The following MSL1 variants were observed in gnomAD, a reference collection of about 807,000 sequenced individuals.
MSL1 encodes the protein MSL complex subunit 1.
A neutral mutation model predicts 64.6 loss-of-function variants in MSL1; 21 were observed. That is an observed-to-expected ratio of 0.33 (90% CI 0.23 to 0.47). MSL1 has a LOEUF of 0.47. Ranked by LOEUF, MSL1 falls within the 20% of genes least tolerant of loss-of-function variation. The probability of loss-of-function intolerance (pLI) is 1.00; values close to 1 mark genes in which losing one functional copy is unlikely to be tolerated. For missense variants in MSL1, 664 were observed against 793.2 expected (o/e 0.84, Z 1.96); for synonymous variants, 339 against 329.6 (o/e 1.03, Z -0.31).
At chr17:40,132,891 G>A in intron 5 of MSL1, 151 bp from the exon 6 acceptor site, 1 of 616,348 alleles carries the variant, frequency 1.6e-6, no homozygotes, top group Non-Finnish European at 2.9e-6. Context: ...TCTGTTACCA[G>A]GAGGTTCCCA....
At chr17:40,125,715 C>T (rs1324249811) in intron 1 of MSL1, among the ~76,000 whole-genome samples, 1 of 152,168 alleles carries the variant, frequency 6.6e-6, no homozygotes, top group Admixed American at 6.5e-5. Context: ...GAGGCTGAGG[C>T]AGGGAGGCGG....
chr17:40,131,934 C>A lies in MSL1; in HGVS notation c.1424-100C>A. ...CTATCACTTGGTAACTTTGTCTCTT[C>A]TGGGGAGAGACCTCTTATCCTAGTG... On this transcript the variant is annotated intron_variant, in intron 4 of 8. Coordinates refer to ENST00000398532, the MANE Select transcript of MSL1 (RefSeq NM_001365919.1). The surrounding 1 kb of genome is among the most constrained non-coding windows in gnomAD (Gnocchi z 4.5). The A allele has an allele frequency of 1.2e-6, 1 of 850,568 alleles. No individual in the cohort carries two copies. The highest frequency in any genetic ancestry group is 1.5e-5 in the South Asian group (1 of 66,916). 52.7% of individuals were successfully genotyped at this position (850,568 alleles called of 1,614,324 possible).
At chr17:40,132,985 A>G in intron 5 of MSL1, 57 bp from the exon 6 acceptor site, 2 of 1,467,296 alleles carry the variant, frequency 1.4e-6, no homozygotes, top group Non-Finnish European at 1.9e-6. Context: ...TAGTTAGTAT[A>G]TGTGTGTAAC....
intron 1 of MSL1, among the ~76,000 whole-genome samples, chr17:40,123,861 A>C (rs1422421848): frequency 3.3e-5 from 5 of 152,204 alleles, no homozygotes; most frequent in Middle Eastern, 6.3e-3. Flanking sequence ...TAGTGGGCAC[A>C]GGGGTAGAGG....
chr17:40,122,688 G>A lies in MSL1; in HGVS notation c.76G>A (p.Glu26Lys). Residue 26 changes from glutamate (E) to lysine (K), a missense_variant, in exon 1 of 9, where the codon GAG becomes AAG. By Grantham distance (56) the Glu-to-Lys change is moderately conservative. This residue lies in a region of MSL1 where 466 missense variants were observed against 499.0 expected (regional missense o/e 0.93). Coordinates refer to ENST00000398532, the MANE Select transcript of MSL1 (RefSeq NM_001365919.1). The surrounding 1 kb of genome is among the most constrained non-coding windows in gnomAD (Gnocchi z 4.2). The stretch of plus-strand genomic sequence containing the variant: ...CAATCCTGAGCAGCGACTGGACTAC[G>A]AGCGGGCTGCGGCGCTGGGCGGGCC... The part of the protein sequence containing the change: ...GGNPEQRLDY[E>K]RAAALGGPED... The A allele has an allele frequency of 6.7e-7, 1 of 1,488,750 alleles. No individual in the cohort carries two copies. Among genetic ancestry groups the A allele is most frequent in the Non-Finnish European group, 8.9e-7 (1 of 1,126,808 alleles). 92.2% of individuals were successfully genotyped at this position (1,488,750 alleles called of 1,614,324 possible). A position where few individuals can be genotyped will look rare whatever the true frequency, so the allele number is the denominator to read the frequency against.
Position 40,134,696 on chromosome 17 carries a change from T to C in MSL1, c.*327T>C, listed in dbSNP as rs1988507521. ...TGTTAAAGGGGTAAAAGGGCTCTCT[T>C]CATTAGACATGTGGAAGATGAAGCA... is the stretch of plus-strand genomic sequence containing the variant. On this transcript the variant is annotated 3_prime_UTR_variant, in exon 9 of 9. Coordinates refer to ENST00000398532, the MANE Select transcript of MSL1 (RefSeq NM_001365919.1). 3.8e-6 allele frequency: 1 copy of C among 264,250 alleles called. No homozygotes were observed. The highest frequency in any genetic ancestry group is 7.3e-6 in the Non-Finnish European group (1 of 136,386). The allele number at this position is 264,250 out of a possible 1,614,324, so 16.4% of individuals were successfully genotyped here. A position where few individuals can be genotyped will look rare whatever the true frequency, so the allele number is the denominator to read the frequency against.
rs1598414527 is a variant in MSL1, at chr17:40,136,839, TC to T, written c.*2471del. ...TTATATTTATTGGCAAACAAACAATTCTGCTTGTATATTTGAAACATTGGAA... is the reference window on the plus strand; with the variant it reads ...TTATATTTATTGGCAAACAAACAATTTGCTTGTATATTTGAAACATTGGAA... On this transcript the variant is annotated 3_prime_UTR_variant, in exon 9 of 9. Coordinates refer to ENST00000398532, the MANE Select transcript of MSL1 (RefSeq NM_001365919.1). 6.6e-6 allele frequency: 1 copy of T among 152,378 alleles called. No homozygotes were observed. The highest frequency in any genetic ancestry group is 1.9e-4 in the East Asian group (1 of 5,340). 9.4% of individuals were successfully genotyped at this position (152,378 alleles called of 1,614,324 possible). A position where few individuals can be genotyped will look rare whatever the true frequency, so the allele number is the denominator to read the frequency against.
Position 40,122,826 on chromosome 17 carries a change from G to C in MSL1, c.214G>C (p.Ala72Pro). Residue 72 changes from alanine (A) to proline (P), a missense_variant, in exon 1 of 9, where the codon GCC becomes CCC. Transcript: ENST00000398532. This position sits in a 1 kb window ranked among gnomAD's most constrained non-coding sequence, Gnocchi z 4.2. The stretch of plus-strand genomic sequence containing the variant: ...GGGCGGGAGCCCCGCGCCTTCCCCG[G>C]CCGGCTGCGGCGGCAAGGGCCGGGG... The part of the protein sequence containing the change: ...SQGGSPAPSP[A>P]GCGGKGRGLL... 7.3e-7 allele frequency: 1 copy of C among 1,369,072 alleles called. No homozygotes were observed. The highest frequency in any genetic ancestry group is 9.3e-7 in the Non-Finnish European group (1 of 1,069,726). The allele number at this position is 1,369,072 out of a possible 1,614,324, so 84.8% of individuals were successfully genotyped here.
At position 40,136,783 on chromosome 17, in the gene MSL1, C is replaced by T. The variant is rs1015825842; in HGVS notation, c.*2414C>T. ...TTCAATTGTAAATAAACTATTGTGG[C>T]TGTTAATTTTTGAACTTCTGCTTCA... On this transcript the variant is annotated 3_prime_UTR_variant, in exon 9 of 9. Coordinates refer to ENST00000398532, the MANE Select transcript of MSL1 (RefSeq NM_001365919.1). The T allele has an allele frequency of 6.6e-6, 1 of 152,216 alleles. No individual in the cohort carries two copies. The highest frequency in any genetic ancestry group is 6.6e-5 in the Admixed American group (1 of 15,252). 9.4% of individuals were successfully genotyped at this position (152,216 alleles called of 1,614,324 possible). A position where few individuals can be genotyped will look rare whatever the true frequency, so the allele number is the denominator to read the frequency against.
chr17:40,133,513 TGTTTG>T lies in MSL1; in HGVS notation c.1557-15_1557-11del. On this transcript the variant is annotated splice_polypyrimidine_tract_variant and intron_variant, in intron 6 of 8. Coordinates refer to ENST00000398532, the MANE Select transcript of MSL1 (RefSeq NM_001365919.1). ...ACAGTAATGTTGGGTTTCTTTGTTT[TGTTTG>T]GTTTGTTTTTCCCAGATGGGATATT... is the stretch of plus-strand genomic sequence containing the variant. 1 of 1,600,112 alleles carries T rather than the reference TGTTTG, an allele frequency of 6.2e-7. No homozygotes were observed. The highest frequency in any genetic ancestry group is 8.5e-7 in the Non-Finnish European group (1 of 1,173,790).
intron 2 of MSL1, among the ~76,000 whole-genome samples, chr17:40,127,751 A>G (rs573538117): frequency 1.3e-5 from 2 of 152,320 alleles, no homozygotes; most frequent in Non-Finnish European, 2.9e-5. Flanking sequence ...ACAGACATTA[A>G]ACTAAGTTTT....
Position 40,129,473 on chromosome 17 carries a change from C to T in MSL1, c.1221C>T (p.Pro407=). The stretch of plus-strand genomic sequence containing the variant: ...GACTCTCCACTCCCCAAAAGGGACC[C>T]AGCACCCATCCCAAGGAGAAAGCCT... ...PPRLSTPQKG[P]STHPKEKAFS... Residue 407 remains proline (P), a synonymous_variant, in exon 3 of 9, where the codon CCC becomes CCT. Transcript: ENST00000398532. 1 of 1,613,880 alleles carries T rather than the reference C, an allele frequency of 6.2e-7. No homozygotes were observed. Among genetic ancestry groups the T allele is most frequent in the Non-Finnish European group, 8.5e-7 (1 of 1,179,870 alleles).
At chr17:40,129,788 G>A in intron 3 of MSL1, 161 bp downstream of exon 3, 1 of 713,816 alleles carries the variant, frequency 1.4e-6, no homozygotes, top group Non-Finnish European at 2.1e-6. Context: ...TGCAGGCATT[G>A]CAAATAGATG....
Position 40,126,385 on chromosome 17 carries a change from G to A in MSL1, c.971G>A (p.Arg324Gln), listed in dbSNP as rs541159266. The change falls in exon 2 of 9, where the codon CGG becomes CAG. Residue 324 changes from arginine (R) to glutamine (Q), a missense_variant. Around this residue, in one of 4 missense-constraint regions of MSL1, gnomAD observed 466 missense variants for 499.0 expected, o/e 0.93. Coordinates refer to ENST00000398532, the MANE Select transcript of MSL1 (RefSeq NM_001365919.1). ...CCTCCCAAGCCCTTCTCATGTGGGC[G>A]GAGTGGAAAGGGACATAAAAGGTGT... is the stretch of plus-strand genomic sequence containing the variant. ...TLPPKPFSCG[R>Q]SGKGHKRKSP... 1.4e-5 allele frequency: 23 copies of A among 1,613,966 alleles called. No individual in the cohort carries two copies. Among genetic ancestry groups the A allele is most frequent in the South Asian group, 5.5e-5 (5 of 91,072 alleles).
chr17:40,135,361 A>G lies in MSL1; in HGVS notation c.*992A>G, dbSNP rs1303540096. On this transcript the variant is annotated 3_prime_UTR_variant, in exon 9 of 9. Coordinates refer to ENST00000398532, the MANE Select transcript of MSL1 (RefSeq NM_001365919.1). ...TGTAAAAATAATTTGTATGTGTACC[A>G]TCTTGGTCCTCTCCCCTCCCGTTTT... 6.6e-6 allele frequency: 1 copy of G among 152,314 alleles called. No homozygotes were observed. The highest frequency in any genetic ancestry group is 1.5e-5 in the Non-Finnish European group (1 of 68,040). The allele number at this position is 152,314 out of a possible 1,614,324, so 9.4% of individuals were successfully genotyped here.
rs1367960182 is a variant in MSL1, at chr17:40,133,037, C to T, written c.1489-5C>T. 6.2e-7 allele frequency: 1 copy of T among 1,608,848 alleles called. No homozygotes were observed. The highest frequency in any genetic ancestry group is 1.1e-5 in the South Asian group (1 of 89,824). Reference sequence around the variant, plus strand: ...ATAGCTTATCAGCTGCTTTTCTTTACACAGAACCTGGATGACAGTGTGTTT... The same window carrying T: ...ATAGCTTATCAGCTGCTTTTCTTTATACAGAACCTGGATGACAGTGTGTTT... On this transcript the variant is annotated splice_region_variant and splice_polypyrimidine_tract_variant and intron_variant, in intron 5 of 8. Coordinates refer to ENST00000398532, the MANE Select transcript of MSL1 (RefSeq NM_001365919.1).
At chr17:40,124,957 G>A (rs1449460027) in intron 1 of MSL1, 1 of 152,170 alleles carries the variant, frequency 6.6e-6, no homozygotes, top group Non-Finnish European at 1.5e-5. Flanking sequence ...CTTCTGTTGT[G>A]TATTGCAATC....
chr17:40,135,212 T>C lies in MSL1; in HGVS notation c.*843T>C, dbSNP rs529671893. 15 of 152,430 alleles carry C rather than the reference T, an allele frequency of 9.8e-5. No homozygotes were observed. The East Asian group carries it at 2.3e-3, about 23-fold the overall frequency. The allele number at this position is 152,430 out of a possible 1,614,324, so 9.4% of individuals were successfully genotyped here. ...GGGCTTCATCCTTTTAGCAGAACTC[T>C]TGGTGGTGGGATAGAGACTTAGGGA... On this transcript the variant is annotated 3_prime_UTR_variant, in exon 9 of 9. Transcript: ENST00000398532.
intron 2 of MSL1, 89 bp from the exon 3 acceptor site, chr17:40,129,156 C>T: frequency 1.8e-6 from 2 of 1,137,778 alleles, no homozygotes; most frequent in Non-Finnish European, 2.5e-6. Flanking sequence ...GCAAAAGAAC[C>T]AGCTTATTCT....
Sources: gnomAD v4.1 joint callset for allele counts (sites outside exome capture counted in the v4.1 genomes callset) on GRCh38, gnomAD v4.1.1 for gene constraint, gnomAD v4.1.1 regional missense constraint, Gnocchi (gnomAD v3.1) non-coding constraint, MANE v1.5 for transcripts, NCBI Gene and HGNC (gene_info 2026-07-23, HGNC 2026-07-21) for gene names.